NF1: variants seen among roughly 807,000 people sequenced by gnomAD.
NF1 encodes neurofibromin 1.
A neutral mutation model predicts 325.7 loss-of-function variants in NF1; 122 were observed. The ratio of observed to expected loss-of-function variants is 0.37; its 90% CI spans 0.32 to 0.44. The LOEUF (loss-of-function observed/expected upper bound fraction) is 0.44, where lower values mean the gene tolerates loss of function less well. Among genes scored for constraint, NF1 ranks in the 20% least tolerant of loss-of-function variants. NF1 has a pLI of 1.00. For missense variants in NF1, 2,140 were observed against 3,415.4 expected (o/e 0.63, Z 9.31); for synonymous variants, 1,091 against 1,186.0 (o/e 0.92, Z 1.65).
At chr17:31,227,096 G>A (rs1789048342) in intron 18 of NF1, 122 bp from the exon 19 acceptor site, 1 of 1,005,734 alleles carries the variant, frequency 9.9e-7, no homozygotes, top group African/African-American at 1.6e-5. Flanking sequence ...GAAGTTTTTG[G>A]CTTTATCATT....
At chr17:31,130,963 G>T (rs1297979894) in intron 1 of NF1, among the ~76,000 whole-genome samples, 1 of 152,180 alleles carries the variant, frequency 6.6e-6, no homozygotes, top group East Asian at 1.9e-4. Flanking sequence ...TGTCAGTGCA[G>T]GAGCTGGTAT....
chr17:31,147,875 A>G (rs1916685100), intron 1 of NF1, among the ~76,000 whole-genome samples: 2 of 152,326 alleles, frequency 1.3e-5, no homozygotes, highest in East Asian at 3.9e-4. Flanking sequence ...AGATTCCCTC[A>G]CGTCTTCAGT....
intron 36 of NF1, among the ~76,000 whole-genome samples, chr17:31,278,493 CTTTTTTTTTTTTTTT>C (rs200450821): frequency 4.6e-4 from 7 of 15,336 alleles, no homozygotes; most frequent in East Asian, 4.2e-3. Context: ...GTAATTGAAG[CTTTTTTTTTTTTTTT>C]TTTTTTTTTT....
chr17:31,158,867 A>G, intron 2 of NF1, 143 bp from the exon 3 acceptor site: 1 of 561,218 alleles, frequency 1.8e-6, no homozygotes, highest in Non-Finnish European at 3.2e-6. Context: ...TAAAATCAGA[A>G]ATAATATATT....
At chr17:31,158,116 A>G (rs185169218) in intron 2 of NF1, among the ~76,000 whole-genome samples, 348 of 152,236 alleles carry the variant, frequency 2.3e-3, no homozygotes, top group South Asian at 3.7e-3. Context: ...TCTTACCTCT[A>G]GTGTCCTCTC....
chr17:31,116,193 T>G (rs1913892446), intron 1 of NF1, among the ~76,000 whole-genome samples: 1 of 152,202 alleles, frequency 6.6e-6, no homozygotes, highest in Non-Finnish European at 1.5e-5. Context: ...GTCATTTGTT[T>G]CAAGATACAG....
At chr17:31,313,014 T>C (rs1482904579) in intron 36 of NF1, among the ~76,000 whole-genome samples, 1 of 152,198 alleles carries the variant, frequency 6.6e-6, no homozygotes, top group Non-Finnish European at 1.5e-5. Flanking sequence ...AATATACGCA[T>C]GCATGTTTGA....
At chr17:31,184,826 CTT>C (rs2066209565) in intron 8 of NF1, among the ~76,000 whole-genome samples, 1 of 152,092 alleles carries the variant, frequency 6.6e-6, no homozygotes, top group Admixed American at 6.5e-5. Flanking sequence ...AACACAAACT[CTT>C]ATCATGCAAG....
chr17:31,182,650 AAAC>A lies in NF1; in HGVS notation c.878_880del (p.Asn293del). 1 of 1,613,576 alleles carries A rather than the reference AAAC, an allele frequency of 6.2e-7. No individual in the cohort carries two copies. Among genetic ancestry groups the A allele is most frequent in the South Asian group, 1.1e-5 (1 of 90,982 alleles). ...ATATATCCAAAGACGTGGTTGATGA[AAAC>A]AACATGAATAAGGTAAGGAGGGCAA... On this transcript the variant is annotated inframe_deletion, in exon 8 of 58. Transcript: ENST00000358273.
At chr17:31,187,120 C>G (rs551165103) in intron 8 of NF1, among the ~76,000 whole-genome samples, 4 of 152,332 alleles carry the variant, frequency 2.6e-5, no homozygotes, top group African/African-American at 7.2e-5. Context: ...GTATTCCACA[C>G]AGCATTGCCT....
intron 36 of NF1, among the ~76,000 whole-genome samples, chr17:31,316,066 G>C (rs1429841193): frequency 6.6e-6 from 1 of 152,000 alleles, no homozygotes; most frequent in Non-Finnish European, 1.5e-5. Flanking sequence ...TCGCTGGCTG[G>C]CTTATTTATT....
Position 31,367,198 on chromosome 17 carries a change from C to T in NF1, c.8377+6495C>T, listed in dbSNP as rs1567631592. On this transcript the variant is annotated intron_variant, in intron 57 of 57. Coordinates refer to ENST00000358273, the MANE Select transcript of NF1 (RefSeq NM_001042492.3). ...AAATCTTATGAACATCACTTACTTG[C>T]TTTTTTTTCTTCCATTCTTTGTAAA... 5 of 1,291,912 alleles carry T rather than the reference C, an allele frequency of 3.9e-6. No homozygotes were observed. The Admixed American group carries it at 1.2e-4, about 30-fold the overall frequency. 80.0% of individuals were successfully genotyped at this position (1,291,912 alleles called of 1,614,324 possible).
intron 35 of NF1, among the ~76,000 whole-genome samples, chr17:31,263,111 A>AGG (rs2067720038): frequency 7.4e-5 from 5 of 67,184 alleles, no homozygotes; most frequent in African/African-American, 1.7e-4. Flanking sequence ...AGGTAGGTAG[A>AGG]TAGATAGATA....
chr17:31,113,841 A>G (rs558078612), intron 1 of NF1, among the ~76,000 whole-genome samples: 1 of 152,244 alleles, frequency 6.6e-6, no homozygotes, highest in Non-Finnish European at 1.5e-5. Context: ...GAAGAAAAAC[A>G]CTCTAAGCTC....
chr17:31,362,582 T>C (rs2070424256), intron 57 of NF1, among the ~76,000 whole-genome samples: 1 of 152,238 alleles, frequency 6.6e-6, no homozygotes, highest in African/African-American at 2.4e-5. Context: ...GCTAATTCAT[T>C]ACTTCTGTCT....
chr17:31,152,059 T>A (rs900512579), intron 1 of NF1, among the ~76,000 whole-genome samples: 12 of 150,048 alleles, frequency 8.0e-5, no homozygotes, highest in African/African-American at 2.7e-4. Flanking sequence ...CAGGCCCCGG[T>A]GTGTGATGTT....
At chr17:31,174,315 T>C (rs1402361035) in intron 5 of NF1, among the ~76,000 whole-genome samples, 1 of 152,186 alleles carries the variant, frequency 6.6e-6, no homozygotes, top group African/African-American at 2.4e-5. Flanking sequence ...TGAACATACT[T>C]TTATGATGAC....
At chr17:31,163,503 C>T (rs748929682) in intron 4 of NF1, 127 bp downstream of exon 4, 85 of 981,444 alleles carry the variant, frequency 8.7e-5, no homozygotes, top group Non-Finnish European at 6.7e-5. Context: ...AGTTCTTTTG[C>T]CCCTCACAGC....
chr17:31,356,165 A>G (rs1334359805), intron 51 of NF1: 10 of 324,330 alleles, frequency 3.1e-5, no homozygotes, highest in Admixed American at 4.4e-5. Context: ...CAGTTATCAT[A>G]TTTGTTGATT....
Sources: allele counts gnomAD v4.1 joint callset (sites outside exome capture counted in the v4.1 genomes callset), GRCh38; gene constraint gnomAD v4.1.1; transcripts MANE v1.5; gene names NCBI Gene and HGNC (gene_info 2026-07-23, HGNC 2026-07-21).